ST6GALNAC3: variants seen among roughly 807,000 people sequenced by gnomAD.
The protein encoded by ST6GALNAC3 is alpha-N-acetylgalactosaminide alpha-2,6-sialyltransferase 3.
Under a neutral mutation model 32.7 loss-of-function variants are expected in ST6GALNAC3, and 25 were observed. The observed-to-expected ratio is 0.76, with a 90% CI of 0.56 to 1.07. ST6GALNAC3 has a LOEUF of 1.07. ST6GALNAC3 is among the 50% of genes least tolerant of loss of function. The pLI is 0.00. For missense variants in ST6GALNAC3, 355 were observed against 382.4 expected (o/e 0.93, Z 0.60); for synonymous variants, 129 against 133.1 (o/e 0.97, Z 0.21).
chr1:76,485,308 T>A (rs2101671290), intron 3 of ST6GALNAC3, among the ~76,000 whole-genome samples: 1 of 152,326 alleles, frequency 6.6e-6, no homozygotes, highest in South Asian at 2.1e-4. Context: ...TACCAGCTCC[T>A]CCTTGTACCT....
At chr1:76,261,092 A>G (rs1658208131) in intron 1 of ST6GALNAC3, among the ~76,000 whole-genome samples, 1 of 151,752 alleles carries the variant, frequency 6.6e-6, no homozygotes, top group South Asian at 2.1e-4. Flanking sequence ...TTAAAATCTA[A>G]TTGCTTTGCT....
intron 3 of ST6GALNAC3, among the ~76,000 whole-genome samples, chr1:76,541,559 C>A (rs995367317): frequency 6.6e-6 from 1 of 152,144 alleles, no homozygotes; most frequent in African/African-American, 2.4e-5. Context: ...CTAACTGCAC[C>A]CACCTTTCCA....
At chr1:76,525,051 C>T (rs145509937) in intron 3 of ST6GALNAC3, among the ~76,000 whole-genome samples, 1 of 152,024 alleles carries the variant, frequency 6.6e-6, no homozygotes, top group African/African-American at 2.4e-5. Flanking sequence ...AATATTCTCT[C>T]ATTATGAAAT....
intron 3 of ST6GALNAC3, among the ~76,000 whole-genome samples, chr1:76,539,549 C>T (rs892581293): frequency 6.6e-6 from 1 of 152,030 alleles, no homozygotes; most frequent in African/African-American, 2.4e-5. Context: ...TTCTGCACAG[C>T]AAAAGAAACT....
At chr1:76,309,880 G>A (rs1646723956) in intron 1 of ST6GALNAC3, 2 of 448,424 alleles carry the variant, frequency 4.5e-6, no homozygotes, top group African/African-American at 4.0e-5. Flanking sequence ...AACATGAGAG[G>A]CAGACATGGG....
At chr1:76,473,288 A>G (rs1010757597) in intron 3 of ST6GALNAC3, among the ~76,000 whole-genome samples, 2 of 152,144 alleles carry the variant, frequency 1.3e-5, no homozygotes, top group Non-Finnish European at 2.9e-5. Flanking sequence ...CAGAATGTAT[A>G]GTCTAACCAA....
chr1:76,136,894 A>G (rs564650681), intron 1 of ST6GALNAC3, among the ~76,000 whole-genome samples: 1 of 152,320 alleles, frequency 6.6e-6, no homozygotes, highest in African/African-American at 2.4e-5. Context: ...AATCCCAGTA[A>G]CGATGCTAAC....
intron 1 of ST6GALNAC3, among the ~76,000 whole-genome samples, chr1:76,162,085 G>T (rs1651846539): frequency 6.6e-6 from 1 of 152,198 alleles, no homozygotes; most frequent in South Asian, 2.1e-4. Flanking sequence ...CACTGTGGTT[G>T]CATCATTGCC....
At chr1:76,317,151 C>T (rs906852484) in intron 2 of ST6GALNAC3, among the ~76,000 whole-genome samples, 3 of 152,040 alleles carry the variant, frequency 2.0e-5, no homozygotes, top group Admixed American at 6.6e-5. Context: ...TAGGCTAACT[C>T]GGGAGAAAAT....
At chr1:76,074,962 C>T (rs1214807991) in intron 1 of ST6GALNAC3, 78 bp downstream of exon 1, 1 of 1,512,380 alleles carries the variant, frequency 6.6e-7, no homozygotes, top group East Asian at 2.5e-5. Context: ...CAGCCGCGGT[C>T]CCACCGCATC....
At chr1:76,446,309 A>G (rs905474536) in intron 3 of ST6GALNAC3, among the ~76,000 whole-genome samples, 1 of 152,140 alleles carries the variant, frequency 6.6e-6, no homozygotes, top group Non-Finnish European at 1.5e-5. Flanking sequence ...TATATTTGCT[A>G]CAATTGATGA....
chr1:76,291,189 C>A (rs531124142), intron 1 of ST6GALNAC3, among the ~76,000 whole-genome samples: 2 of 152,340 alleles, frequency 1.3e-5, no homozygotes, highest in South Asian at 4.1e-4. Context: ...ATCCAAGCTT[C>A]TTTTTGATGA....
chr1:76,132,757 G>T (rs1025939631), intron 1 of ST6GALNAC3, among the ~76,000 whole-genome samples: 36 of 152,154 alleles, frequency 2.4e-4, no homozygotes, highest in African/African-American at 8.2e-4. Context: ...TCATCCCAGG[G>T]ACAGAAGAAG....
chr1:76,619,280 A>G (rs1005446173), intron 3 of ST6GALNAC3, among the ~76,000 whole-genome samples: 4 of 152,158 alleles, frequency 2.6e-5, no homozygotes, highest in African/African-American at 9.7e-5. Context: ...TAATTTTTTA[A>G]AAGCTCAATA....
chr1:76,507,798 T>C (rs1661570756), intron 3 of ST6GALNAC3, among the ~76,000 whole-genome samples: 1 of 152,184 alleles, frequency 6.6e-6, no homozygotes. Flanking sequence ...TACCTAGAAG[T>C]GGAATTGTTA....
chr1:76,532,917 G>T (rs1362871692), intron 3 of ST6GALNAC3, among the ~76,000 whole-genome samples: 2 of 152,082 alleles, frequency 1.3e-5, no homozygotes, highest in Non-Finnish European at 2.9e-5. Context: ...AGACCTCAGA[G>T]ACTCTGCTTA....
intron 1 of ST6GALNAC3, among the ~76,000 whole-genome samples, chr1:76,184,254 T>A (rs985447738): frequency 1.2e-4 from 19 of 152,154 alleles, no homozygotes; most frequent in African/African-American, 4.6e-4. Flanking sequence ...AAGAAACATA[T>A]GGGGCTGGGT....
chr1:76,346,198 T>C (rs1648495720), intron 2 of ST6GALNAC3, among the ~76,000 whole-genome samples: 1 of 152,188 alleles, frequency 6.6e-6, no homozygotes, highest in Non-Finnish European at 1.5e-5. Flanking sequence ...TCGTCGGCAC[T>C]TACGCCTCGA....
intron 2 of ST6GALNAC3, among the ~76,000 whole-genome samples, chr1:76,354,826 A>T (rs769976163): frequency 8.5e-5 from 13 of 152,218 alleles, no homozygotes; most frequent in Non-Finnish European, 1.9e-4. Flanking sequence ...TTGGTTATTT[A>T]ACCATTCCGA....
Sources: allele counts gnomAD v4.1 joint callset (sites outside exome capture counted in the v4.1 genomes callset), GRCh38; gene constraint gnomAD v4.1.1; transcripts MANE v1.5; gene names NCBI Gene and HGNC (gene_info 2026-07-23, HGNC 2026-07-21).